SLC9A9: variants seen among roughly 807,000 people sequenced by gnomAD.
SLC9A9 encodes the protein solute carrier family 9 member A9, also known as sodium/hydrogen exchanger 9.
In SLC9A9, 62 loss-of-function variants were observed where a neutral mutation model predicts 77.8. That is an observed-to-expected ratio of 0.80 (90% CI 0.65 to 0.98). The LOEUF is 0.98. Among genes scored for constraint, SLC9A9 ranks in the 50% least tolerant of loss-of-function variants. The pLI is 0.00. For missense variants in SLC9A9, 775 were observed against 774.9 expected, an observed-to-expected ratio of 1.00 and a Z score of 0.00; for synonymous variants, 320 against 283.5, an observed-to-expected ratio of 1.13 and a Z score of -1.29.
At chr3:143,492,751 C>A (rs2035770333) in intron 11 of SLC9A9, among the ~76,000 whole-genome samples, 1 of 152,140 alleles carries the variant, frequency 6.6e-6, no homozygotes, top group Admixed American at 6.5e-5. Flanking sequence ...AATAAATGTT[C>A]ATTTCTCTCA....
chr3:143,793,240 A>G (rs2008273425), intron 4 of SLC9A9, among the ~76,000 whole-genome samples: 1 of 152,144 alleles, frequency 6.6e-6, no homozygotes, highest in Non-Finnish European at 1.5e-5. Flanking sequence ...AGATAAAGGC[A>G]ATTATATACA....
chr3:143,724,812 C>T (rs1056895747), intron 4 of SLC9A9, among the ~76,000 whole-genome samples: 1 of 152,116 alleles, frequency 6.6e-6, no homozygotes, highest in African/African-American at 2.4e-5. Context: ...TATTTAGAGA[C>T]TTCCTCATGA....
chr3:143,413,299 T>G (rs2034131930), intron 12 of SLC9A9, among the ~76,000 whole-genome samples: 1 of 152,088 alleles, frequency 6.6e-6, no homozygotes, highest in African/African-American at 2.4e-5. Flanking sequence ...AGATGAACTG[T>G]GAGGGGGAAA....
chr3:143,266,482 G>C lies in SLC9A9; in HGVS notation c.*220C>G, dbSNP rs1362125187. 5.1e-6 allele frequency: 3 copies of C among 589,966 alleles called. No individual in the cohort carries two copies. The highest frequency in any genetic ancestry group is 9.1e-6 in the Non-Finnish European group (3 of 331,046). 36.5% of individuals were successfully genotyped at this position (589,966 alleles called of 1,614,324 possible). Reference sequence around the variant, plus strand: ...CCCAGCCAATCCAGTAATCAGAATGGCTGCTGTCAAAAAACTAAATTCATT... The same window carrying C: ...CCCAGCCAATCCAGTAATCAGAATGCCTGCTGTCAAAAAACTAAATTCATT... On this transcript the variant is annotated 3_prime_UTR_variant, in exon 16 of 16. Transcript: ENST00000316549.
In SLC9A9 at chr3:143,693,187, A is replaced by G. The variant is rs537176708; in HGVS notation, c.649+5T>C. On this transcript the variant is annotated splice_donor_5th_base_variant and intron_variant, in intron 5 of 15. Coordinates refer to ENST00000316549, the MANE Select transcript of SLC9A9 (RefSeq NM_173653.4). ...AAGAAGAAAATATATTATTTGAGCA[A>G]TTACCTGGATCTGTAGCAGACATCA... 52 of 1,603,298 alleles carry G rather than the reference A, an allele frequency of 3.2e-5. No homozygotes were observed. The Admixed American group carries it at 6.4e-4, about 20-fold the overall frequency.
At chr3:143,354,930 G>C (rs2032549047) in intron 14 of SLC9A9, among the ~76,000 whole-genome samples, 1 of 152,146 alleles carries the variant, frequency 6.6e-6, no homozygotes. Context: ...TATCATCAAA[G>C]GCTTGTATTG....
chr3:143,517,072 A>G (rs2036213350), intron 9 of SLC9A9: 1 of 1,111,252 alleles, frequency 9.0e-7, no homozygotes, highest in South Asian at 1.4e-5. Context: ...CAATTTCTTT[A>G]ACTTTTTTTT....
intron 2 of SLC9A9, among the ~76,000 whole-genome samples, chr3:143,830,413 G>T (rs780996661): frequency 6.6e-6 from 1 of 152,148 alleles, no homozygotes; most frequent in Non-Finnish European, 1.5e-5. Context: ...CAACTTAGAC[G>T]TTTTCTCCAT....
chr3:143,617,462 C>A (rs1020851292), intron 6 of SLC9A9, among the ~76,000 whole-genome samples: 8 of 152,226 alleles, frequency 5.3e-5, no homozygotes, highest in Non-Finnish European at 1.2e-4. Context: ...AGATTGCACA[C>A]TGGTGGCCCG....
chr3:143,369,718 G>T (rs2033001103), intron 13 of SLC9A9, among the ~76,000 whole-genome samples: 1 of 152,088 alleles, frequency 6.6e-6, no homozygotes, highest in Admixed American at 6.5e-5. Context: ...TTGGGTGTGG[G>T]TCATACTTAA....
intron 4 of SLC9A9, among the ~76,000 whole-genome samples, chr3:143,744,597 T>C (rs1286939993): frequency 6.6e-6 from 1 of 152,180 alleles, no homozygotes; most frequent in African/African-American, 2.4e-5. Flanking sequence ...GCCTCCTGAT[T>C]CCTTTTCTCT....
intron 5 of SLC9A9, among the ~76,000 whole-genome samples, chr3:143,682,543 T>A (rs1933134908): frequency 6.7e-6 from 1 of 149,182 alleles, no homozygotes; most frequent in Admixed American, 6.7e-5. Context: ...ATTATATTAG[T>A]TTGTCATTTT....
chr3:143,414,932 T>C (rs911514335), intron 12 of SLC9A9, among the ~76,000 whole-genome samples: 1 of 152,154 alleles, frequency 6.6e-6, no homozygotes, highest in Non-Finnish European at 1.5e-5. Context: ...GAAGAGTTCT[T>C]GAAGGAAGTT....
intron 8 of SLC9A9, among the ~76,000 whole-genome samples, chr3:143,562,025 A>G (rs993884965): frequency 6.6e-5 from 10 of 152,224 alleles, no homozygotes; most frequent in African/African-American, 1.9e-4. Flanking sequence ...GTCACAATTA[A>G]GCTACCAGAC....
At chr3:143,669,409 A>G (rs1280896784) in intron 5 of SLC9A9, among the ~76,000 whole-genome samples, 1 of 152,244 alleles carries the variant, frequency 6.6e-6, no homozygotes, top group Non-Finnish European at 1.5e-5. Flanking sequence ...TCTGTCAACC[A>G]CAGCTGTTTC....
At chr3:143,290,701 C>G (rs1050404083) in intron 14 of SLC9A9, among the ~76,000 whole-genome samples, 1 of 152,188 alleles carries the variant, frequency 6.6e-6, no homozygotes, top group Admixed American at 6.5e-5. Context: ...CAGACAACTA[C>G]GTTAATAGAT....
chr3:143,612,911 G>T (rs2108701397), intron 6 of SLC9A9, among the ~76,000 whole-genome samples: 1 of 152,198 alleles, frequency 6.6e-6, no homozygotes, highest in South Asian at 2.1e-4. Context: ...CACTAAATTG[G>T]ACTGATATGG....
rs574256259 is a variant in SLC9A9, at chr3:143,524,554, T to G, written c.1089+27808A>C. ...GACAGTACTAAAATCAGCTTATGCATATTTTTTTGAAATAAGGCCCTATAA... is the reference window on the plus strand; with the variant it reads ...GACAGTACTAAAATCAGCTTATGCAGATTTTTTTGAAATAAGGCCCTATAA... On this transcript the variant is annotated intron_variant, in intron 9 of 15. Transcript: ENST00000316549. 5.3e-5 allele frequency among the ~76,000 whole-genome samples: 8 copies of G among 152,340 alleles called. No individual in the cohort carries two copies. In the South Asian group the frequency reaches 1.7e-3, roughly 32 times the overall value.
intron 12 of SLC9A9, among the ~76,000 whole-genome samples, chr3:143,456,104 G>GT (rs1343816998): frequency 6.6e-6 from 1 of 151,612 alleles, no homozygotes. Context: ...TTTGCCAAAA[G>GT]TTTTTTTTAA....
Sources: allele counts gnomAD v4.1 joint callset (sites outside exome capture counted in the v4.1 genomes callset), GRCh38; gene constraint gnomAD v4.1.1; transcripts MANE v1.5; gene names NCBI Gene and HGNC (gene_info 2026-07-23, HGNC 2026-07-21).